KCND3: variants seen among roughly 807,000 people sequenced by gnomAD.
KCND3 encodes the protein A-type voltage-gated potassium channel KCND3.
KCND3 carries 9 observed loss-of-function variants against 51.1 expected under a neutral mutation model. The observed-to-expected ratio is 0.18, with a 90% confidence interval of 0.11 to 0.31. The LOEUF (loss-of-function observed/expected upper bound fraction) is 0.31. KCND3 is among the 10% of genes least tolerant of loss of function. KCND3 has a pLI of 1.00. For synonymous variants in KCND3, 349 were observed against 368.0 expected, an observed-to-expected ratio of 0.95 and a Z score of 0.59; for missense variants, 526 against 903.8, an observed-to-expected ratio of 0.58 and a Z score of 5.36.
intron 2 of KCND3, among the ~76,000 whole-genome samples, chr1:111,893,427 G>C (rs1353738922): frequency 6.6e-6 from 1 of 152,182 alleles, no homozygotes; most frequent in Non-Finnish European, 1.5e-5. Flanking sequence ...AGTCTTGGAA[G>C]AATGATGGCC....
At position 111,981,687 on chromosome 1, in the gene KCND3, G is replaced by A; in HGVS notation, c.1040C>T (p.Ser347Leu). Residue 347 changes from serine to leucine, a missense_variant, in exon 2 of 8, where the codon TCG becomes TTG. This residue lies in a region of KCND3 where 48 missense variants were observed against 228.5 expected (regional missense o/e 0.21). Transcript: ENST00000302127. This position sits in a 1 kb window ranked among gnomAD's most constrained non-coding sequence, Gnocchi z 6.2. ...TVMFYAEKGS[S>L]ASKFTSIPAS... The stretch of plus-strand genomic sequence containing the variant: ...AGGGATGCTTGTGAACTTGCTGGCC[G>A]AGGAGCCCTTCTCGGCATAAAACAT... 6.2e-7 allele frequency: 1 copy of A among 1,614,174 alleles called. No homozygotes were observed. Among genetic ancestry groups the A allele is most frequent in the Non-Finnish European group, 8.5e-7 (1 of 1,180,042 alleles).
chr1:111,797,315 CA>C (rs962028980), intron 2 of KCND3, among the ~76,000 whole-genome samples: 1 of 152,200 alleles, frequency 6.6e-6, no homozygotes, highest in Non-Finnish European at 1.5e-5. Flanking sequence ...CATGAGGAAA[CA>C]GACAAAGTCA....
At chr1:111,940,073 G>GTTTTGTT (rs1672426434) in intron 2 of KCND3, among the ~76,000 whole-genome samples, 1 of 85,472 alleles carries the variant, frequency 1.2e-5, no homozygotes, top group Non-Finnish European at 2.1e-5. Flanking sequence ...CTTTTTGATG[G>GTTTTGTT]TTTTTTTTTT....
intron 2 of KCND3, among the ~76,000 whole-genome samples, chr1:111,950,076 C>A (rs1672984013): frequency 1.3e-5 from 2 of 152,146 alleles, no homozygotes; most frequent in East Asian, 1.9e-4. Flanking sequence ...ATACCTGGCT[C>A]ATTTTTGTAT....
chr1:111,802,386 C>T (rs543815863), intron 2 of KCND3, among the ~76,000 whole-genome samples: 3 of 152,334 alleles, frequency 2.0e-5, no homozygotes, highest in South Asian at 4.1e-4. Context: ...TCTGGCAGGC[C>T]CTAAGCTGGG....
At chr1:111,868,998 G>A (rs1668714783) in intron 2 of KCND3, among the ~76,000 whole-genome samples, 1 of 152,134 alleles carries the variant, frequency 6.6e-6, no homozygotes, top group South Asian at 2.1e-4. Context: ...AATAGTAAGT[G>A]ATGAGTCAGG....
At chr1:111,830,267 T>TG (rs1391551113) in intron 2 of KCND3, among the ~76,000 whole-genome samples, 5 of 152,234 alleles carry the variant, frequency 3.3e-5, no homozygotes, top group African/African-American at 1.2e-4. Flanking sequence ...GACTCTTCTG[T>TG]GGCTCCTCAT....
At position 111,791,860 on chromosome 1, in the gene KCND3, G is replaced by C. The variant is rs181369385; in HGVS notation, c.1107-4754C>G. Among the ~76,000 whole-genome samples, 3 of 152,270 alleles carry C rather than the reference G, an allele frequency of 2.0e-5. No individual in the cohort carries two copies. In the East Asian group the frequency reaches 5.8e-4, roughly 29 times the overall value. ...TGATGGGAAGGACCTGGTTTAAAAA[G>C]AGTCTCTGTTAAAAATCACCGGGGA... On this transcript the variant is annotated intron_variant, in intron 2 of 7. Coordinates refer to ENST00000302127, the MANE Select transcript of KCND3 (RefSeq NM_001378969.1).
At chr1:111,784,388 C>T (rs556485319) in intron 3 of KCND3, among the ~76,000 whole-genome samples, 4 of 152,200 alleles carry the variant, frequency 2.6e-5, no homozygotes, top group African/African-American at 7.2e-5. Context: ...GAGATGGGAA[C>T]GAAATGCCCC....
intron 3 of KCND3, 114 bp downstream of exon 3, chr1:111,786,830 A>G: frequency 1.5e-6 from 2 of 1,329,998 alleles, no homozygotes; most frequent in Non-Finnish European, 2.1e-6. Context: ...CTTACCTTGC[A>G]AAGCCAGAGG....
At chr1:111,820,790 T>C (rs1175810540) in intron 2 of KCND3, among the ~76,000 whole-genome samples, 1 of 152,170 alleles carries the variant, frequency 6.6e-6, no homozygotes, top group Non-Finnish European at 1.5e-5. Context: ...CAATTACTGA[T>C]GTCTTTATAA....
chr1:111,780,334 G>A lies in KCND3; in HGVS notation c.1372-20C>T, dbSNP rs1417584140. On this transcript the variant is annotated intron_variant, in intron 4 of 7. Transcript: ENST00000302127. The surrounding 1 kb of genome is among the most constrained non-coding windows in gnomAD (Gnocchi z 4.2). The stretch of plus-strand genomic sequence containing the variant: ...GGTGCCCTAGTAAAAAAAGAAGAGA[G>A]ATTGAGTAAAAAGCTGGTGGCTCTT... 4 of 1,552,412 alleles carry A rather than the reference G, an allele frequency of 2.6e-6. No homozygotes were observed. The highest frequency in any genetic ancestry group is 3.5e-6 in the Non-Finnish European group (4 of 1,146,096).
chr1:111,966,484 A>T (rs1170794941), intron 2 of KCND3, among the ~76,000 whole-genome samples: 1 of 152,008 alleles, frequency 6.6e-6, no homozygotes, highest in African/African-American at 2.4e-5. Context: ...TACCCCCATA[A>T]CCCACCCATT....
intron 2 of KCND3, among the ~76,000 whole-genome samples, chr1:111,861,912 G>C (rs1333901194): frequency 3.3e-5 from 5 of 152,230 alleles, no homozygotes; most frequent in Admixed American, 3.3e-4. Context: ...TGTGGTCTGA[G>C]TTATGCGAGG....
chr1:111,910,436 C>G (rs6671147), intron 2 of KCND3: 5,932 of 152,316 alleles, frequency 0.039, 163 homozygotes, highest in Middle Eastern at 0.058. Context: ...GGACAACCAG[C>G]CAGAGTGGGC....
intron 2 of KCND3, among the ~76,000 whole-genome samples, chr1:111,954,818 A>T (rs1411074076): frequency 1.3e-5 from 2 of 152,164 alleles, no homozygotes; most frequent in African/African-American, 4.8e-5. Context: ...GATTCGGGGC[A>T]TTTCCTTTGG....
intron 2 of KCND3, among the ~76,000 whole-genome samples, chr1:111,937,240 T>G (rs967039841): frequency 2.6e-5 from 4 of 152,096 alleles, no homozygotes; most frequent in Non-Finnish European, 5.9e-5. Flanking sequence ...CATCATGGAC[T>G]TGGTGAGCTG....
chr1:111,887,234 G>A (rs1050609171), intron 2 of KCND3, among the ~76,000 whole-genome samples: 5 of 152,298 alleles, frequency 3.3e-5, no homozygotes, highest in African/African-American at 1.2e-4. Flanking sequence ...AAGTCATTGG[G>A]TATTATGCTT....
intron 2 of KCND3, among the ~76,000 whole-genome samples, chr1:111,790,650 G>A (rs148311507): frequency 5.3e-5 from 8 of 152,076 alleles, no homozygotes; most frequent in Admixed American, 5.2e-4. Context: ...AGAGAGTTGC[G>A]CTCACATCAC....
Sources: gnomAD v4.1 joint callset for allele counts (sites outside exome capture counted in the v4.1 genomes callset) on GRCh38, gnomAD v4.1.1 for gene constraint, gnomAD v4.1.1 regional missense constraint, Gnocchi (gnomAD v3.1) non-coding constraint, MANE v1.5 for transcripts, NCBI Gene and HGNC (gene_info 2026-07-23, HGNC 2026-07-21) for gene names.